Variants in ULK2 observed in about 807,000 individuals in gnomAD.
The protein encoded by ULK2 is serine/threonine-protein kinase ULK2.
In ULK2, 76 loss-of-function variants were observed where a neutral mutation model predicts 127.5. The ratio of observed to expected loss-of-function variants is 0.60; its 90% CI spans 0.50 to 0.72. The LOEUF (loss-of-function observed/expected upper bound fraction) is 0.72. Among genes scored for constraint, ULK2 ranks in the 30% least tolerant of loss-of-function variants. The pLI, the probability that ULK2 is intolerant of heterozygous loss-of-function variation, is 0.00. For missense variants in ULK2, 1,144 were observed against 1,295.9 expected (o/e 0.88, Z 1.80); for synonymous variants, 452 against 461.9 (o/e 0.98, Z 0.28).
At chr17:19,845,554 T>C (rs971461596) in intron 6 of ULK2, among the ~76,000 whole-genome samples, 177 bp from the exon 7 acceptor site, 5 of 152,146 alleles carry the variant, frequency 3.3e-5, no homozygotes, top group Non-Finnish European at 2.9e-5. Context: ...AAGCTAAAAA[T>C]AGTAGTAATC....
chr17:19,810,518 AG>A, intron 13 of ULK2, 80 bp from the exon 14 acceptor site: 1 of 851,634 alleles, frequency 1.2e-6, no homozygotes, highest in Admixed American at 2.5e-5. Flanking sequence ...AATGATTATT[AG>A]GATTTCATGC....
intron 20 of ULK2, among the ~76,000 whole-genome samples, chr17:19,793,648 G>A (rs1405929318): frequency 6.6e-6 from 1 of 152,144 alleles, no homozygotes; most frequent in East Asian, 1.9e-4. Flanking sequence ...GACAACCGGA[G>A]AGACAAAAAC....
At chr17:19,804,893 A>C (rs1194256750) in intron 14 of ULK2, 63 bp from the exon 15 acceptor site, 8 of 1,558,824 alleles carry the variant, frequency 5.1e-6, no homozygotes, top group Non-Finnish European at 7.0e-6. Flanking sequence ...CTTTCATTTG[A>C]CCCATTAGTT....
Position 19,816,904 on chromosome 17 carries a change from T to C in ULK2, c.941A>G (p.Gln314Arg). The C allele has an allele frequency of 6.2e-7, 1 of 1,605,744 alleles. No homozygotes were observed. The highest frequency in any genetic ancestry group is 8.5e-7 in the Non-Finnish European group (1 of 1,177,592). The change falls in exon 13 of 27, where the codon CAG (glutamine) becomes CGG (arginine). Residue 314 changes from glutamine (Q) to arginine (R), a missense_variant. Physicochemically the swap from Gln to Arg is conservative, Grantham distance 43 (BLOSUM62 1). Around this residue, in one of 2 missense-constraint regions of ULK2, gnomAD observed 913 missense variants for 970.5 expected, o/e 0.94. Transcript: ENST00000395544. ...AGATAAGTTTTCTTCCTGAATATGC[T>C]GCATATCTGGAAGGGACTAAAATTA... ...FASPPSLPDM[Q>R]HIQEENLSSP... is the part of the protein sequence containing the mutation.
chr17:19,836,041 T>G (rs2041588213), intron 10 of ULK2, among the ~76,000 whole-genome samples: 1 of 149,894 alleles, frequency 6.7e-6, no homozygotes, highest in Non-Finnish European at 1.5e-5. Flanking sequence ...CCAAGGCAGG[T>G]GGATCACCTG....
At chr17:19,791,232 C>A (rs1272749996) in intron 20 of ULK2, among the ~76,000 whole-genome samples, 1 of 152,162 alleles carries the variant, frequency 6.6e-6, no homozygotes, top group Non-Finnish European at 1.5e-5. Context: ...TATGTTATGT[C>A]ACAAAACAAG....
intron 9 of ULK2, among the ~76,000 whole-genome samples, chr17:19,839,954 TAC>T (rs950100707): frequency 1.4e-5 from 2 of 142,516 alleles, no homozygotes; most frequent in East Asian, 2.3e-4. Flanking sequence ...CACAAAGGAG[TAC>T]ACACACATAC....
rs189230493 is a variant in ULK2 at position 19,780,974 on chromosome 17, C to T, written c.2758+12G>A. ...ACTGACCCCTGGAGTTACACGCTGC[C>T]TTCTCCCATACCTTGTTTCACAGCT... On this transcript the variant is annotated intron_variant, in intron 24 of 26. Coordinates refer to ENST00000395544, the MANE Select transcript of ULK2 (RefSeq NM_014683.4). 9.9e-6 allele frequency: 16 copies of T among 1,613,232 alleles called. No individual in the cohort carries two copies. In the Admixed American group the frequency reaches 2.5e-4, roughly 25 times the overall value.
At chr17:19,840,730 A>T (rs1338447481) in intron 9 of ULK2, among the ~76,000 whole-genome samples, 2 of 151,266 alleles carry the variant, frequency 1.3e-5, no homozygotes, top group Non-Finnish European at 2.9e-5. Context: ...AAAAAAAAAA[A>T]ATACAAAAAT....
At chr17:19,816,678 A>G in intron 13 of ULK2, 71 bp downstream of exon 13, 2 of 1,387,880 alleles carry the variant, frequency 1.4e-6, no homozygotes, top group South Asian at 1.9e-5. Context: ...AGTGTAATAT[A>G]TGGGTTAAAA....
intron 22 of ULK2, among the ~76,000 whole-genome samples, chr17:19,783,047 G>A (rs1340969017): frequency 6.6e-6 from 1 of 152,150 alleles, no homozygotes; most frequent in African/African-American, 2.4e-5. Flanking sequence ...ACTCTTTTAT[G>A]GTTAAATAAA....
intron 20 of ULK2, among the ~76,000 whole-genome samples, chr17:19,792,981 A>G (rs1364083552): frequency 6.6e-6 from 1 of 152,246 alleles, no homozygotes; most frequent in African/African-American, 2.4e-5. Context: ...AAACATATTT[A>G]TAGTTGTATT....
At chr17:19,852,842 G>C (rs1010295552) in intron 3 of ULK2, among the ~76,000 whole-genome samples, 1 of 151,778 alleles carries the variant, frequency 6.6e-6, no homozygotes, top group Non-Finnish European at 1.5e-5. Flanking sequence ...AGTAGAGACA[G>C]GGTTTCACTG....
At chr17:19,800,870 C>T (rs2087382773) in intron 16 of ULK2, among the ~76,000 whole-genome samples, 2 of 152,206 alleles carry the variant, frequency 1.3e-5, no homozygotes, top group African/African-American at 2.4e-5. Context: ...TTGGCTCTCT[C>T]ACACATATTT....
chr17:19,823,787 C>T (rs1397550079), intron 12 of ULK2, among the ~76,000 whole-genome samples: 1 of 152,106 alleles, frequency 6.6e-6, no homozygotes, highest in African/African-American at 2.4e-5. Context: ...TTTTAGTTCA[C>T]CAGAACATAA....
chr17:19,795,903 AACTATGTACTTACATAGTTACAGGAAGC>A (rs2087258764), intron 19 of ULK2, among the ~76,000 whole-genome samples, 164 bp downstream of exon 19: 1 of 152,228 alleles, frequency 6.6e-6, no homozygotes, highest in Non-Finnish European at 1.5e-5. Flanking sequence ...GTTCAGGAAG[AACTATGTACTTACATAGTTACAGGAAGC>A]ATCTGTGGTT....
intron 25 of ULK2, 118 bp downstream of exon 25, chr17:19,780,354 C>T: frequency 1.1e-6 from 1 of 924,102 alleles, no homozygotes. Context: ...AGGCAATCCA[C>T]AATACTTGGG....
Position 19,814,440 on chromosome 17 carries a change from T to TATATATATA in ULK2, c.1096+2308_1096+2309insTATATATAT, listed in dbSNP as rs1567696572. Among the ~76,000 whole-genome samples, 20 of 7,068 alleles carry TATATATATA rather than the reference T, an allele frequency of 2.8e-3. 1 individual carries two copies. Among genetic ancestry groups the TATATATATA allele is most frequent in the African/African-American group, 7.2e-3 (19 of 2,650 alleles). 4.6% of individuals were successfully genotyped at this position (7,068 alleles called of 152,430 possible). ...TATATATATATATATATATATATAT[T>TATATATATA]TTTTTTTTTTTTTTTTTTTTTTTGG... On this transcript the variant is annotated intron_variant, in intron 13 of 26. Coordinates refer to ENST00000395544, the MANE Select transcript of ULK2 (RefSeq NM_014683.4).
In ULK2 at chr17:19,797,641, A is replaced by G; in HGVS notation, c.1564T>C (p.Ser522Pro). The G allele has an allele frequency of 3.1e-6, 5 of 1,593,896 alleles. No homozygotes were observed. Among genetic ancestry groups the G allele is most frequent in the Non-Finnish European group, 4.3e-6 (5 of 1,169,048 alleles). Residue 522 changes from serine to proline, a missense_variant, in exon 18 of 27, where the codon TCG becomes CCG. Physicochemically the swap from Ser to Pro is moderately conservative, Grantham distance 74. Transcript: ENST00000395544. Reference protein sequence around the residue: ...PQAQSPQSLLSGARLQSAPTL... With the variant: ...PQAQSPQSLLPGARLQSAPTL... ...GGGGCGCTCTGCAGTCTAGCACCCG[A>G]TAAGAGAGACTGTGGGGACTGAGCT... is the stretch of plus-strand genomic sequence containing the variant.
Sources: gnomAD v4.1 joint callset for allele counts (sites outside exome capture counted in the v4.1 genomes callset) on GRCh38, gnomAD v4.1.1 for gene constraint, gnomAD v4.1.1 regional missense constraint, MANE v1.5 for transcripts, NCBI Gene and HGNC (gene_info 2026-07-23, HGNC 2026-07-21) for gene names.